PTCHD4: variants seen among roughly 807,000 people sequenced by gnomAD.
PTCHD4 encodes patched domain-containing protein 4.
Under a neutral mutation model 58.1 loss-of-function variants are expected in PTCHD4, and 33 were observed. The observed-to-expected ratio is 0.57, with a 90% CI of 0.43 to 0.76. The LOEUF is 0.76. Among genes scored for constraint, PTCHD4 ranks in the 30% least tolerant of loss-of-function variants. PTCHD4 has a pLI of 0.00. For missense variants in PTCHD4, 1,058 were observed against 1,027.1 expected, an observed-to-expected ratio of 1.03 and a Z score of -0.41; for synonymous variants, 478 against 409.6, an observed-to-expected ratio of 1.17 and a Z score of -2.02.
chr6:47,956,408 T>C (rs1231949257), intron 4 of PTCHD4, among the ~76,000 whole-genome samples: 1 of 152,140 alleles, frequency 6.6e-6, no homozygotes, highest in Non-Finnish European at 1.5e-5. Context: ...GGCAAGTATT[T>C]GAAGCCAGAG....
chr6:48,032,518 T>TATTAAG (rs1763484957), intron 3 of PTCHD4, among the ~76,000 whole-genome samples: 1 of 152,064 alleles, frequency 6.6e-6, no homozygotes, highest in Admixed American at 6.6e-5. Flanking sequence ...ACAGCAACAC[T>TATTAAG]TTAAATAGAC....
chr6:48,007,749 G>A (rs982614305), intron 4 of PTCHD4, among the ~76,000 whole-genome samples: 5 of 152,256 alleles, frequency 3.3e-5, no homozygotes, highest in Middle Eastern at 3.4e-3. Flanking sequence ...GCTATTTGCA[G>A]CTCATTCTCT....
At chr6:48,047,598 T>C (rs922763110) in intron 3 of PTCHD4, among the ~76,000 whole-genome samples, 6 of 151,798 alleles carry the variant, frequency 4.0e-5, no homozygotes, top group Admixed American at 1.3e-4. Context: ...TCCCCAAAAT[T>C]AGTATATTGA....
rs191453417 is a variant in PTCHD4, at chr6:47,861,883, T to C, written c.*16420A>G. ...AATCCATGTTTGTTGGATGGATTAA[T>C]GAATGAATGATATGGCTAGTTCATC... On this transcript the variant is annotated 3_prime_UTR_variant, in exon 5 of 5. Coordinates refer to ENST00000339488, the MANE Select transcript of PTCHD4 (RefSeq NM_001384253.1). Among the ~76,000 whole-genome samples, 420 of 152,034 alleles carry C rather than the reference T, an allele frequency of 2.8e-3. 3 individuals are homozygous for C. The highest frequency in any genetic ancestry group is 9.2e-3 in the African/African-American group (381 of 41,556).
intron 4 of PTCHD4, among the ~76,000 whole-genome samples, chr6:47,880,200 ATAATGTTACGTTAT>A (rs1763979777): frequency 6.6e-6 from 1 of 152,154 alleles, no homozygotes. Flanking sequence ...AGTTGTAAAT[ATAATGTTACGTTAT>A]TACATGATGT....
intron 3 of PTCHD4, among the ~76,000 whole-genome samples, chr6:48,065,747 A>C (rs988073940): frequency 2.6e-5 from 4 of 152,216 alleles, no homozygotes; most frequent in African/African-American, 9.6e-5. Flanking sequence ...TCAAAAGCCC[A>C]ATTTACCCAA....
At chr6:48,072,592 C>T (rs925073168) in intron 1 of PTCHD4, among the ~76,000 whole-genome samples, 2 of 152,142 alleles carry the variant, frequency 1.3e-5, no homozygotes, top group Admixed American at 6.6e-5. Context: ...ATCTGGGTGC[C>T]AGATATGCTG....
chr6:47,864,329 C>CACACACATAT lies in PTCHD4; in HGVS notation c.*13973_*13974insATATGTGTGT, dbSNP rs1253859265. Among the ~76,000 whole-genome samples, 3 of 151,118 alleles carry CACACACATAT rather than the reference C, an allele frequency of 2.0e-5. No homozygotes were observed. The highest frequency in any genetic ancestry group is 4.4e-5 in the Non-Finnish European group (3 of 67,710). ...AGATATATATATACACACACACACACATATATATATATGGCTATTTCACCT... is the reference window on the plus strand; with the variant it reads ...AGATATATATATACACACACACACACACACACATATATATATATATATGGCTATTTCACCT... On this transcript the variant is annotated 3_prime_UTR_variant, in exon 5 of 5. Transcript: ENST00000339488.
intron 3 of PTCHD4, among the ~76,000 whole-genome samples, chr6:48,016,062 T>C (rs1762856054): frequency 6.6e-6 from 1 of 151,986 alleles, no homozygotes; most frequent in Non-Finnish European, 1.5e-5. Context: ...TCAGTCTGCT[T>C]ATTCTAGTAT....
intron 4 of PTCHD4, chr6:47,901,015 G>A (rs938797006): frequency 2.0e-5 from 3 of 150,712 alleles, no homozygotes; most frequent in South Asian, 2.1e-4. Flanking sequence ...TTAGCCGGGC[G>A]CGGTGGCGGG....
intron 4 of PTCHD4, among the ~76,000 whole-genome samples, chr6:47,911,259 C>T (rs1299663244): frequency 6.6e-6 from 1 of 152,062 alleles, no homozygotes; most frequent in Non-Finnish European, 1.5e-5. Context: ...GTGCATCCTA[C>T]AAATGGCTGC....
intron 3 of PTCHD4, among the ~76,000 whole-genome samples, chr6:48,023,502 A>T (rs1192906110): frequency 6.6e-6 from 1 of 152,184 alleles, no homozygotes; most frequent in Non-Finnish European, 1.5e-5. Context: ...GGAGAGCTTA[A>T]CTGCCACCAC....
chr6:48,099,412 G>T (rs1001594262), intron 1 of PTCHD4, among the ~76,000 whole-genome samples: 3 of 152,088 alleles, frequency 2.0e-5, no homozygotes, highest in Non-Finnish European at 4.4e-5. Context: ...TGCTTCTTTT[G>T]TCCTCCATAA....
intron 4 of PTCHD4, among the ~76,000 whole-genome samples, chr6:47,976,321 C>T (rs944428958): frequency 6.6e-6 from 1 of 152,104 alleles, no homozygotes; most frequent in Non-Finnish European, 1.5e-5. Flanking sequence ...GCTAAAATCT[C>T]AATGCAGCAA....
At chr6:48,019,845 AAAG>A (rs1320336237) in intron 3 of PTCHD4, among the ~76,000 whole-genome samples, 3 of 152,356 alleles carry the variant, frequency 2.0e-5, no homozygotes, top group East Asian at 1.9e-4. Flanking sequence ...GAGGCTTTCT[AAAG>A]AAGATGTTAC....
At chr6:48,106,388 A>T (rs1256182120) in intron 1 of PTCHD4, among the ~76,000 whole-genome samples, 2 of 152,224 alleles carry the variant, frequency 1.3e-5, no homozygotes, top group African/African-American at 4.8e-5. Context: ...AAGACCTTTG[A>T]CAAAATTCAA....
chr6:47,923,072 A>G (rs1765484056), intron 4 of PTCHD4, among the ~76,000 whole-genome samples: 1 of 152,160 alleles, frequency 6.6e-6, no homozygotes, highest in Non-Finnish European at 1.5e-5. Flanking sequence ...GCTGGACAGG[A>G]GTATAGAGAG....
chr6:47,990,696 A>G (rs1307376485), intron 4 of PTCHD4, among the ~76,000 whole-genome samples: 1 of 152,176 alleles, frequency 6.6e-6, no homozygotes, highest in Non-Finnish European at 1.5e-5. Flanking sequence ...AGTCTCAGGT[A>G]TGTCTTTATC....
intron 4 of PTCHD4, among the ~76,000 whole-genome samples, chr6:47,947,797 C>T (rs1766482370): frequency 6.6e-6 from 1 of 152,040 alleles, no homozygotes; most frequent in African/African-American, 2.4e-5. Flanking sequence ...CCTCATGACT[C>T]TGAGAAATTG....
Sources: gnomAD v4.1 joint callset for allele counts (sites outside exome capture counted in the v4.1 genomes callset) on GRCh38, gnomAD v4.1.1 for gene constraint, MANE v1.5 for transcripts, NCBI Gene and HGNC (gene_info 2026-07-23, HGNC 2026-07-21) for gene names.